NCKAP5: variants seen among roughly 807,000 people sequenced by gnomAD.
NCKAP5 encodes nck-associated protein 5.
Under a neutral mutation model 167.0 loss-of-function variants are expected in NCKAP5, and 92 were observed. That is an observed-to-expected ratio of 0.55 (90% CI 0.47 to 0.66). The LOEUF (loss-of-function observed/expected upper bound fraction) is 0.66. Among genes scored for constraint, NCKAP5 ranks in the 30% least tolerant of loss-of-function variants. The pLI is 0.00. For synonymous variants in NCKAP5, 891 were observed against 877.4 expected (o/e 1.02, Z -0.27); for missense variants, 2,378 against 2,315.0 (o/e 1.03, Z -0.56).
chr2:132,793,001 G>T (rs568214911), intron 12 of NCKAP5, among the ~76,000 whole-genome samples: 1 of 152,064 alleles, frequency 6.6e-6, no homozygotes, highest in East Asian at 1.9e-4. Context: ...GCTCTGTTTT[G>T]TTTTGTTTTG....
chr2:132,803,383 T>C lies in NCKAP5; in HGVS notation c.808-6654A>G, dbSNP rs539033512. Among the ~76,000 whole-genome samples the C allele has an allele frequency of 1.9e-3, 286 of 152,348 alleles. 1 individual carries two copies. Among genetic ancestry groups the C allele is most frequent in the African/African-American group, 6.6e-3 (276 of 41,596 alleles). ...GTGCATTCTGTTTTGCTCTGGATGG[T>C]GCCTTGGCAAATGACATGGCTCTGT... On this transcript the variant is annotated intron_variant, in intron 11 of 19. Coordinates refer to ENST00000409261, the MANE Select transcript of NCKAP5 (RefSeq NM_207363.3).
At chr2:133,107,748 T>C (rs2149704657) in intron 6 of NCKAP5, among the ~76,000 whole-genome samples, 1 of 152,290 alleles carries the variant, frequency 6.6e-6, no homozygotes, top group South Asian at 2.1e-4. Context: ...AAAATAGACT[T>C]TTAAAAAATA....
At chr2:132,942,206 A>G (rs959805162) in intron 8 of NCKAP5, among the ~76,000 whole-genome samples, 2 of 152,242 alleles carry the variant, frequency 1.3e-5, no homozygotes, top group African/African-American at 4.8e-5. Context: ...AGACTTTTCA[A>G]TAAACATTAA....
intron 13 of NCKAP5, among the ~76,000 whole-genome samples, chr2:132,786,114 T>C (rs929814754): frequency 3.9e-5 from 6 of 152,174 alleles, no homozygotes; most frequent in African/African-American, 1.4e-4. Context: ...GAAAGGTATA[T>C]ATATTTTTTT....
chr2:133,208,445 T>A (rs1455190684), intron 5 of NCKAP5, among the ~76,000 whole-genome samples: 1 of 152,106 alleles, frequency 6.6e-6, no homozygotes, highest in African/African-American at 2.4e-5. Context: ...TATACCCAAA[T>A]CTAATCGTCA....
At chr2:133,215,942 A>C (rs1233396036) in intron 4 of NCKAP5, among the ~76,000 whole-genome samples, 1 of 152,142 alleles carries the variant, frequency 6.6e-6, no homozygotes, top group African/African-American at 2.4e-5. Context: ...GAAGCCGATG[A>C]ACAAAAATTA....
At chr2:132,712,976 G>A (rs1689005954) in intron 19 of NCKAP5, among the ~76,000 whole-genome samples, 1 of 152,184 alleles carries the variant, frequency 6.6e-6, no homozygotes, top group Non-Finnish European at 1.5e-5. Flanking sequence ...GCCACACAAT[G>A]TAGCTGGAAC....
At chr2:133,581,522 C>T in the NCKAP5 span, among the ~76,000 whole-genome samples, 1 of 152,196 alleles carries the variant, frequency 6.6e-6, no homozygotes, top group Non-Finnish European at 1.5e-5. Flanking sequence ...CCTCTGACAG[C>T]TGCAGTGGCA....
chr2:132,870,777 T>C (rs1278469492), intron 9 of NCKAP5, among the ~76,000 whole-genome samples: 1 of 150,660 alleles, frequency 6.6e-6, no homozygotes, highest in Non-Finnish European at 1.5e-5. Context: ...TAATTGTTTT[T>C]TGACTCAATA....
chr2:133,440,015 CCA>C (rs1262629681), intron 3 of NCKAP5, among the ~76,000 whole-genome samples: 1 of 152,170 alleles, frequency 6.6e-6, no homozygotes, highest in Non-Finnish European at 1.5e-5. Context: ...TTAGGATTTA[CCA>C]CAATAGACCT....
intron 8 of NCKAP5, among the ~76,000 whole-genome samples, chr2:132,888,157 G>A (rs1450795135): frequency 1.3e-5 from 2 of 152,104 alleles, no homozygotes; most frequent in Non-Finnish European, 2.9e-5. Flanking sequence ...GCTATGGGTG[G>A]AAATGAAAAT....
chr2:133,661,230 G>A, the NCKAP5 span, among the ~76,000 whole-genome samples: 1 of 152,098 alleles, frequency 6.6e-6, no homozygotes, highest in Non-Finnish European at 1.5e-5. Flanking sequence ...AAGGACAAAT[G>A]ACAAGGATCA....
At chr2:133,093,634 T>C (rs574936811) in intron 6 of NCKAP5, among the ~76,000 whole-genome samples, 2 of 152,304 alleles carry the variant, frequency 1.3e-5, no homozygotes, top group South Asian at 4.1e-4. Context: ...TCTTTCTAAA[T>C]GGTAAAGGAG....
chr2:132,725,570 A>C, intron 19 of NCKAP5, 57 bp downstream of exon 19: 1 of 1,553,332 alleles, frequency 6.4e-7, no homozygotes, highest in Non-Finnish European at 8.7e-7. Flanking sequence ...GAAAGGTATA[A>C]TCAGCGGCTT....
At chr2:133,252,097 G>T (rs2088371720) in intron 4 of NCKAP5, among the ~76,000 whole-genome samples, 1 of 152,202 alleles carries the variant, frequency 6.6e-6, no homozygotes, top group Non-Finnish European at 1.5e-5. Context: ...TAGGCTCAGT[G>T]AGTTAAAAGT....
At chr2:133,388,603 C>T (rs183705695) in intron 3 of NCKAP5, among the ~76,000 whole-genome samples, 224 of 152,348 alleles carry the variant, frequency 1.5e-3, no homozygotes, top group African/African-American at 5.1e-3. Context: ...ATTTGTGCTG[C>T]CTTTTGTTCA....
the NCKAP5 span, among the ~76,000 whole-genome samples, chr2:133,660,770 G>A: frequency 1.8e-4 from 27 of 152,154 alleles, no homozygotes; most frequent in Admixed American, 1.4e-3. Context: ...ATATGCCTCT[G>A]TCTATTTCAG....
chr2:133,657,429 C>T, the NCKAP5 span, among the ~76,000 whole-genome samples: 1 of 152,220 alleles, frequency 6.6e-6, no homozygotes, highest in African/African-American at 2.4e-5. Context: ...AGCATGCAAC[C>T]TTTGCGAATA....
At chr2:133,483,531 G>A (rs940968259) in intron 3 of NCKAP5, among the ~76,000 whole-genome samples, 1 of 150,216 alleles carries the variant, frequency 6.7e-6, no homozygotes. Context: ...TTTACCCTCT[G>A]TTGGGTTTAC....
Sources: allele counts gnomAD v4.1 joint callset (sites outside exome capture counted in the v4.1 genomes callset), GRCh38; gene constraint gnomAD v4.1.1; transcripts MANE v1.5; gene names NCBI Gene and HGNC (gene_info 2026-07-23, HGNC 2026-07-21).